The following RRP12 variants were observed in gnomAD, a reference collection of about 807,000 sequenced individuals.
The protein encoded by RRP12 is ribosomal RNA processing 12 homolog.
In RRP12, 78 loss-of-function variants were observed where a neutral mutation model predicts 157.3. The observed-to-expected ratio is 0.50, with a 90% confidence interval of 0.41 to 0.60. The LOEUF (loss-of-function observed/expected upper bound fraction) is 0.60, where lower values mean the gene tolerates loss of function less well. RRP12 is among the 20% of genes least tolerant of loss of function. The pLI, the probability that RRP12 is intolerant of heterozygous loss-of-function variation, is 0.00. For synonymous variants in RRP12, 726 were observed against 670.9 expected, an observed-to-expected ratio of 1.08 and a Z score of -1.27; for missense variants, 1,521 against 1,679.9, an observed-to-expected ratio of 0.91 and a Z score of 1.65.
chr10:97,397,482 G>C (rs1178898322), intron 2 of RRP12, among the ~76,000 whole-genome samples: 1 of 151,878 alleles, frequency 6.6e-6, no homozygotes, highest in Non-Finnish European at 1.5e-5. Context: ...ATTTTAAAAA[G>C]ATTTTTCAAT....
intron 25 of RRP12, among the ~76,000 whole-genome samples, chr10:97,369,133 C>T (rs1198367227): frequency 6.6e-6 from 1 of 152,086 alleles, no homozygotes; most frequent in Non-Finnish European, 1.5e-5. Flanking sequence ...AAATCTCTGG[C>T]CCAGTTTCTC....
chr10:97,366,267 G>A, intron 28 of RRP12, 34 bp from the exon 29 acceptor site: 1 of 1,607,562 alleles, frequency 6.2e-7, no homozygotes, highest in Non-Finnish European at 8.5e-7. Flanking sequence ...GGAGGTGGAA[G>A]GCCAGTCCCA....
At chr10:97,400,233 G>C in intron 2 of RRP12, 72 bp downstream of exon 2, 1 of 1,138,442 alleles carries the variant, frequency 8.8e-7, no homozygotes, top group Non-Finnish European at 1.3e-6. Flanking sequence ...AGACCTGTCG[G>C]CCAGAGCTGA....
intron 6 of RRP12, 47 bp downstream of exon 6, chr10:97,390,376 T>A: frequency 7.0e-7 from 1 of 1,429,530 alleles, no homozygotes; most frequent in Non-Finnish European, 9.9e-7. Context: ...CTGGGCTGAG[T>A]GGTGGCTGTC....
chr10:97,393,397 G>T, intron 4 of RRP12: 2 of 581,328 alleles, frequency 3.4e-6, no homozygotes, highest in Admixed American at 2.0e-5. Context: ...CTGAATGTCT[G>T]CCTGGACACA....
chr10:97,361,567 C>T (rs1178724967), intron 30 of RRP12, among the ~76,000 whole-genome samples: 3 of 152,238 alleles, frequency 2.0e-5, no homozygotes, highest in Non-Finnish European at 4.4e-5. Flanking sequence ...AGCGAACAGG[C>T]TGCAGCACAC....
chr10:97,367,221 T>A (rs1318118678), intron 25 of RRP12, 89 bp from the exon 26 acceptor site: 65 of 1,148,454 alleles, frequency 5.7e-5, no homozygotes, highest in Non-Finnish European at 8.2e-5. Flanking sequence ...CGCAGCATGA[T>A]CAAGCCCAGC....
chr10:97,363,389 C>T (rs978963997), intron 30 of RRP12, among the ~76,000 whole-genome samples: 1 of 152,174 alleles, frequency 6.6e-6, no homozygotes, highest in Non-Finnish European at 1.5e-5. Context: ...ACTGGAAAAC[C>T]AGGGTTCAAA....
At chr10:97,376,369 C>T (rs1189552545) in intron 15 of RRP12, among the ~76,000 whole-genome samples, 1 of 151,628 alleles carries the variant, frequency 6.6e-6, no homozygotes, top group Non-Finnish European at 1.5e-5. Flanking sequence ...TGCGTGCCAC[C>T]ATGCCCAGCT....
chr10:97,357,280 C>A (rs1027609009), intron 33 of RRP12, 84 bp from the exon 34 acceptor site: 7 of 841,100 alleles, frequency 8.3e-6, no homozygotes, highest in South Asian at 6.5e-5. Context: ...TCACCCCCAG[C>A]GCCAGCAGGG....
rs12218483 is a variant in RRP12 at position 97,381,727 on chromosome 10, C to A, written c.1308G>T (p.Thr436=). ...SPHSQVLTAA[T]QSLKEILKEC... ...AAAGTTGCAGTACCTTGAGGCTCTG[C>A]GTAGCAGCAGTCAGCACTTGCGAGT... The change falls in exon 11 of 34, where the codon ACG becomes ACT. Residue 436 remains threonine, a synonymous_variant. Transcript: ENST00000370992. The A allele has an allele frequency of 1.2e-6, 2 of 1,613,284 alleles. No homozygotes were observed. The highest frequency in any genetic ancestry group is 1.3e-5 in the African/African-American group (1 of 74,900).
intron 2 of RRP12, among the ~76,000 whole-genome samples, chr10:97,398,039 A>ATATATTTT (rs1436494245): frequency 1.9e-3 from 104 of 56,030 alleles, no homozygotes; most frequent in Non-Finnish European, 2.6e-3. Flanking sequence ...ATATATACGT[A>ATATATTTT]TTTTTTTTTT....
chr10:97,370,534 C>A lies in RRP12; in HGVS notation c.2610G>T (p.Ser870=). ...PEVILCTKEV[S]VGARKNAFAL... ...CAAAAGCGTTCTTCCGTGCGCCCAC[C>A]GACACCTCCTTGGTGCACAGGATCA... is the stretch of plus-strand genomic sequence containing the variant. The change falls in exon 23 of 34, where the codon TCG becomes TCT. Residue 870 remains serine (S), a synonymous_variant. Coordinates refer to ENST00000370992, the MANE Select transcript of RRP12 (RefSeq NM_015179.4). 6.2e-7 allele frequency: 1 copy of A among 1,611,118 alleles called. No homozygotes were observed. Among genetic ancestry groups the A allele is most frequent in the East Asian group, 2.2e-5 (1 of 44,866 alleles).
At chr10:97,378,736 A>G (rs1844378554) in intron 15 of RRP12, among the ~76,000 whole-genome samples, 1 of 152,118 alleles carries the variant, frequency 6.6e-6, no homozygotes, top group African/African-American at 2.4e-5. Flanking sequence ...GGGTGCCTGG[A>G]GTCCCAGCTA....
intron 11 of RRP12, 59 bp from the exon 12 acceptor site, chr10:97,381,542 C>A: frequency 1.5e-6 from 2 of 1,366,594 alleles, no homozygotes; most frequent in Admixed American, 2.2e-5. Flanking sequence ...ACCACTCTCC[C>A]CTCCCAGGCA....
At chr10:97,376,495 G>C (rs1236966360) in intron 15 of RRP12, among the ~76,000 whole-genome samples, 1 of 152,074 alleles carries the variant, frequency 6.6e-6, no homozygotes, top group African/African-American at 2.4e-5. Context: ...TTACAGGCAC[G>C]AGCCACTGCG....
intron 31 of RRP12, among the ~76,000 whole-genome samples, chr10:97,359,889 T>C (rs1357444305): frequency 6.6e-6 from 1 of 152,194 alleles, no homozygotes; most frequent in African/African-American, 2.4e-5. Flanking sequence ...AGCTGCGTTA[T>C]GATGCTCTAG....
At chr10:97,370,657 T>A (rs1844121266) in intron 22 of RRP12, 59 bp downstream of exon 22, 2 of 1,597,580 alleles carry the variant, frequency 1.3e-6, no homozygotes, top group Non-Finnish European at 1.7e-6. Context: ...CCCTGGATCC[T>A]GAGGCCCTTA....
At chr10:97,399,136 G>A (rs1845065985) in intron 2 of RRP12, among the ~76,000 whole-genome samples, 1 of 152,064 alleles carries the variant, frequency 6.6e-6, no homozygotes, top group African/African-American at 2.4e-5. Flanking sequence ...AGCCGGGCAT[G>A]GTGGCGCACG....
Sources: gnomAD v4.1 joint callset for allele counts (sites outside exome capture counted in the v4.1 genomes callset) on GRCh38, gnomAD v4.1.1 for gene constraint, MANE v1.5 for transcripts, NCBI Gene and HGNC (gene_info 2026-07-23, HGNC 2026-07-21) for gene names.